Variants in DPP8 observed in about 807,000 individuals in gnomAD.
DPP8 encodes DPP VIII.
Under a neutral mutation model 107.5 loss-of-function variants are expected in DPP8, and 31 were observed. The observed-to-expected ratio is 0.29, with a 90% CI of 0.22 to 0.39. The LOEUF is 0.39. DPP8 is among the 10% of genes least tolerant of loss of function. The pLI, the probability that DPP8 is intolerant of heterozygous loss-of-function variation, is 1.00. For missense variants in DPP8, 842 were observed against 1,076.1 expected (o/e 0.78, Z 3.04); for synonymous variants, 381 against 356.6 (o/e 1.07, Z -0.77).
At chr15:65,474,102 C>G in intron 12 of DPP8, 107 bp downstream of exon 12, 1 of 842,968 alleles carries the variant, frequency 1.2e-6, no homozygotes. Context: ...AAGACTCTGT[C>G]TCGGAAAAAA....
intron 16 of DPP8, among the ~76,000 whole-genome samples, 184 bp downstream of exon 16, chr15:65,456,041 A>G (rs1213134735): frequency 2.0e-5 from 3 of 152,208 alleles, no homozygotes; most frequent in African/African-American, 7.2e-5. Context: ...AGTTCCCCAA[A>G]GTTACGTATA....
intron 16 of DPP8, among the ~76,000 whole-genome samples, chr15:65,454,852 T>C (rs531038777): frequency 6.6e-6 from 1 of 152,080 alleles, no homozygotes; most frequent in Non-Finnish European, 1.5e-5. Flanking sequence ...TTAGAGTTTA[T>C]TACCAACTGA....
chr15:65,492,348 GA>G (rs1329447579), intron 5 of DPP8, among the ~76,000 whole-genome samples: 1 of 150,796 alleles, frequency 6.6e-6, no homozygotes, highest in African/African-American at 2.4e-5. Flanking sequence ...TCTCAAAAAA[GA>G]AAAAAAAGGG....
chr15:65,478,856 T>C (rs748388591), intron 11 of DPP8, 24 bp downstream of exon 11: 1 of 1,538,158 alleles, frequency 6.5e-7, no homozygotes, highest in Admixed American at 2.2e-5. Flanking sequence ...TTTTTCTTTT[T>C]TTAAAATAAA....
Position 65,512,568 on chromosome 15 carries a change from G to C in DPP8, c.-11-4C>G, listed in dbSNP as rs1196624924. ...GCTGCTGCCATGTTGCATTTTCCTA[G>C]AAAAACAAGGCACATGAAGCTGTTC... On this transcript the variant is annotated splice_region_variant and splice_polypyrimidine_tract_variant and intron_variant, in intron 1 of 19. Coordinates refer to ENST00000300141, the MANE Select transcript of DPP8 (RefSeq NM_130434.5). 1.2e-6 allele frequency: 2 copies of C among 1,613,450 alleles called. No individual in the cohort carries two copies. The highest frequency in any genetic ancestry group is 1.7e-6 in the Non-Finnish European group (2 of 1,179,804).
At chr15:65,456,165 CA>C in intron 16 of DPP8, 59 bp downstream of exon 16, 1 of 1,568,814 alleles carries the variant, frequency 6.4e-7, no homozygotes, top group Non-Finnish European at 8.6e-7. Flanking sequence ...GGTTTCACAC[CA>C]AACAATGGAC....
chr15:65,516,646 T>A (rs1044437350), intron 1 of DPP8: 1 of 152,216 alleles, frequency 6.6e-6, no homozygotes, highest in Non-Finnish European at 1.5e-5. Context: ...AAATAGAGCA[T>A]GTTGACTCAG....
At chr15:65,486,194 G>T (rs934871089) in intron 7 of DPP8, among the ~76,000 whole-genome samples, 2 of 151,014 alleles carry the variant, frequency 1.3e-5, no homozygotes, top group South Asian at 4.2e-4. Flanking sequence ...ACGAGGTCAG[G>T]AGTTCGAGAC....
At position 65,479,008 on chromosome 15, in the gene DPP8, C is replaced by T. The variant is rs570888631; in HGVS notation, c.1328G>A (p.Ser443Asn). The change falls in exon 11 of 20, where the codon AGT becomes AAT. Residue 443 changes from serine to asparagine, a missense_variant. Physicochemically the swap from Ser to Asn is conservative, Grantham distance 46. Coordinates refer to ENST00000300141, the MANE Select transcript of DPP8 (RefSeq NM_130434.5). ...IHDIFHVFPQ[S>N]HEEEIEFIFA... ...AATAAACTCAATTTCCTCTTCGTGA[C>T]TTTGGGGAAAAACATGAAAGATGTC... is the stretch of plus-strand genomic sequence containing the variant. 4 of 1,585,216 alleles carry T rather than the reference C, an allele frequency of 2.5e-6. No homozygotes were observed. The Admixed American group carries it at 5.7e-5, about 22-fold the overall frequency.
intron 2 of DPP8, 144 bp from the exon 3 acceptor site, chr15:65,507,499 G>A: frequency 1.9e-6 from 1 of 540,418 alleles, no homozygotes. Context: ...AGTAGAATGT[G>A]CTTATGCCAT....
intron 2 of DPP8, 67 bp from the exon 3 acceptor site, chr15:65,507,422 A>G: frequency 4.0e-6 from 4 of 988,284 alleles, no homozygotes; most frequent in Non-Finnish European, 6.4e-6. Flanking sequence ...TCACAGTTGC[A>G]AGTACATAAT....
At chr15:65,451,286 G>A (rs600663) in intron 18 of DPP8, among the ~76,000 whole-genome samples, 176 bp from the exon 19 acceptor site, 9,162 of 152,148 alleles carry the variant, frequency 0.06, 271 homozygotes, top group African/African-American at 0.082. Flanking sequence ...CACATGCAAT[G>A]AAGGATTAAA....
At chr15:65,509,524 TTTGGGC>T in intron 2 of DPP8, among the ~76,000 whole-genome samples, 1 of 152,194 alleles carries the variant, frequency 6.6e-6, no homozygotes, top group Non-Finnish European at 1.5e-5. Context: ...CAGCAGTCAT[TTTGGGC>T]CCATGTCTTC....
chr15:65,462,169 A>G (rs898430752), intron 15 of DPP8, among the ~76,000 whole-genome samples: 3 of 151,262 alleles, frequency 2.0e-5, no homozygotes, highest in African/African-American at 7.3e-5. Flanking sequence ...AGGTTTCGCC[A>G]TGTTGGCCAG....
At position 65,480,300 on chromosome 15, in the gene DPP8, C is replaced by T; in HGVS notation, c.1218G>A (p.Arg406=). The change falls in exon 10 of 20, where the codon AGG becomes AGA. Residue 406 remains arginine (R), a synonymous_variant. Transcript: ENST00000300141. The stretch of plus-strand genomic sequence containing the variant: ...CAGGCACTGACTCAATGAGTCTCTG[C>T]CTTTCCATAACATCATCTTCTACTG... The part of the protein sequence containing the change: ...FIPVEDDVME[R]QRLIESVPDS... 1.2e-6 allele frequency: 2 copies of T among 1,613,784 alleles called. No homozygotes were observed. The highest frequency in any genetic ancestry group is 1.7e-6 in the Non-Finnish European group (2 of 1,179,952).
chr15:65,494,973 T>G (rs1421821336), intron 5 of DPP8, among the ~76,000 whole-genome samples: 1 of 152,162 alleles, frequency 6.6e-6, no homozygotes, highest in African/African-American at 2.4e-5. Context: ...ACAATATGAT[T>G]ATGATGATCA....
chr15:65,508,700 A>G (rs913137988), intron 2 of DPP8, among the ~76,000 whole-genome samples: 1 of 152,052 alleles, frequency 6.6e-6, no homozygotes, highest in East Asian at 1.9e-4. Flanking sequence ...TAAAAATACA[A>G]AATTAGCCAG....
intron 5 of DPP8, among the ~76,000 whole-genome samples, chr15:65,492,021 C>G (rs141363977): frequency 6.6e-6 from 1 of 151,504 alleles, no homozygotes; most frequent in Admixed American, 6.6e-5. Context: ...CGTGAGCCAC[C>G]ACGCCCGGCC....
intron 13 of DPP8, 26 bp downstream of exon 13, chr15:65,467,045 A>G: frequency 6.2e-7 from 1 of 1,612,946 alleles, no homozygotes; most frequent in Non-Finnish European, 8.5e-7. Flanking sequence ...ATATGACACA[A>G]AACCCTTTTT....
Sources: allele counts gnomAD v4.1 joint callset (sites outside exome capture counted in the v4.1 genomes callset), GRCh38; gene constraint gnomAD v4.1.1; transcripts MANE v1.5; gene names NCBI Gene and HGNC (gene_info 2026-07-23, HGNC 2026-07-21).